MAPKAP1: variants seen among roughly 807,000 people sequenced by gnomAD.
MAPKAP1 encodes the protein MAPK associated protein 1, also known as target of rapamycin complex 2 subunit MAPKAP1.
MAPKAP1 carries 20 observed loss-of-function variants against 65.7 expected under a neutral mutation model. The ratio of observed to expected loss-of-function variants is 0.30; its 90% CI spans 0.21 to 0.44. The LOEUF (loss-of-function observed/expected upper bound fraction) is 0.44. Ranked by LOEUF, MAPKAP1 falls within the 20% of genes least tolerant of loss-of-function variation. MAPKAP1 has a pLI of 1.00. For synonymous variants in MAPKAP1, 222 were observed against 244.3 expected, an observed-to-expected ratio of 0.91 and a Z score of 0.85; for missense variants, 423 against 648.0, an observed-to-expected ratio of 0.65 and a Z score of 3.77.
rs540233366 is a variant in MAPKAP1 at position 125,613,780 on chromosome 9, C to T, written c.499-28053G>A. ...GCTAGAATTACCCATACTATTTAAC[C>T]TTACTGAAAAAGAGCAATTTCTTTT... On this transcript the variant is annotated intron_variant, in intron 4 of 11. Coordinates refer to ENST00000265960, the MANE Select transcript of MAPKAP1 (RefSeq NM_001006617.3). Among the ~76,000 whole-genome samples the T allele has an allele frequency of 6.3e-4, 95 of 151,996 alleles. 1 individual carries two copies. The highest frequency in any genetic ancestry group is 2.2e-3 in the African/African-American group (90 of 41,460).
intron 7 of MAPKAP1, among the ~76,000 whole-genome samples, chr9:125,530,405 A>C (rs1307950829): frequency 6.6e-5 from 10 of 152,188 alleles, no homozygotes; most frequent in Admixed American, 6.5e-4. Flanking sequence ...TCCTCTTTTA[A>C]ATGTTTTCTG....
chr9:125,483,257 C>T (rs1331159364), intron 9 of MAPKAP1, among the ~76,000 whole-genome samples: 1 of 152,180 alleles, frequency 6.6e-6, no homozygotes, highest in Non-Finnish European at 1.5e-5. Flanking sequence ...AAAACACTGG[C>T]TTAAGGTTAC....
intron 6 of MAPKAP1, among the ~76,000 whole-genome samples, chr9:125,543,978 G>T (rs1318244626): frequency 1.3e-5 from 2 of 152,088 alleles, no homozygotes; most frequent in African/African-American, 4.8e-5. Flanking sequence ...AGGAGGAAAA[G>T]AAAATGCTCT....
At chr9:125,693,552 T>TACACACACATATATACATAC (rs1564619905) in intron 1 of MAPKAP1, among the ~76,000 whole-genome samples, 1 of 148,908 alleles carries the variant, frequency 6.7e-6, no homozygotes, top group East Asian at 2.0e-4. Context: ...TATATACATA[T>TACACACACATATATACATAC]ACACACACAT....
At chr9:125,548,180 T>TA (rs1251370830) in intron 6 of MAPKAP1, among the ~76,000 whole-genome samples, 1 of 152,210 alleles carries the variant, frequency 6.6e-6, no homozygotes. Flanking sequence ...ACTCATCTAT[T>TA]AAAAATCCTG....
intron 9 of MAPKAP1, among the ~76,000 whole-genome samples, chr9:125,476,328 C>T (rs1854107738): frequency 6.6e-6 from 1 of 152,172 alleles, no homozygotes; most frequent in Admixed American, 6.5e-5. Context: ...ACTGAACAAT[C>T]ATTTAATATC....
At chr9:125,543,719 C>T (rs757386810) in intron 6 of MAPKAP1, among the ~76,000 whole-genome samples, 10 of 152,162 alleles carry the variant, frequency 6.6e-5, no homozygotes, top group Non-Finnish European at 1.5e-4. Flanking sequence ...AGAGAGGTCA[C>T]GCTTAGGGAA....
intron 7 of MAPKAP1, among the ~76,000 whole-genome samples, chr9:125,523,904 G>T (rs1288386296): frequency 6.6e-6 from 1 of 152,140 alleles, no homozygotes; most frequent in Non-Finnish European, 1.5e-5. Context: ...CCTGCTGTGG[G>T]GGCCAGATCC....
At chr9:125,464,389 T>C (rs1853607132) in intron 10 of MAPKAP1, among the ~76,000 whole-genome samples, 2 of 152,164 alleles carry the variant, frequency 1.3e-5, no homozygotes, top group Admixed American at 1.3e-4. Flanking sequence ...TTTAGGGGCT[T>C]ATGACGTCTT....
Position 125,614,580 on chromosome 9 carries a change from G to C in MAPKAP1, c.499-28853C>G, listed in dbSNP as rs569145422. On this transcript the variant is annotated intron_variant, in intron 4 of 11. Coordinates refer to ENST00000265960, the MANE Select transcript of MAPKAP1 (RefSeq NM_001006617.3). ...GTGGAGGTTGCAGTGAGCCAAGATC[G>C]CGCCATTGCACTCCAGCTTTGAGCA... 2.6e-5 allele frequency among the ~76,000 whole-genome samples: 4 copies of C among 152,220 alleles called. No individual in the cohort carries two copies. In the East Asian group the frequency reaches 5.8e-4, roughly 22 times the overall value.
chr9:125,640,254 C>T (rs992502404), intron 4 of MAPKAP1, among the ~76,000 whole-genome samples: 1 of 152,156 alleles, frequency 6.6e-6, no homozygotes, highest in Non-Finnish European at 1.5e-5. Flanking sequence ...CAGGTGCCCG[C>T]CACCACGCCC....
intron 7 of MAPKAP1, among the ~76,000 whole-genome samples, chr9:125,537,504 CAG>C (rs1830107477): frequency 1.3e-5 from 2 of 152,164 alleles, no homozygotes; most frequent in Admixed American, 1.3e-4. Flanking sequence ...CCTCCCAATA[CAG>C]AGTCTTGCTC....
intron 10 of MAPKAP1, among the ~76,000 whole-genome samples, chr9:125,448,896 T>G (rs1020604594): frequency 1.3e-5 from 2 of 151,528 alleles, no homozygotes; most frequent in Non-Finnish European, 2.9e-5. Flanking sequence ...TCCCAGCTAC[T>G]TGGGAGGCTG....
intron 4 of MAPKAP1, among the ~76,000 whole-genome samples, chr9:125,591,985 G>A (rs1410981981): frequency 6.6e-6 from 1 of 152,204 alleles, no homozygotes; most frequent in Non-Finnish European, 1.5e-5. Flanking sequence ...GGCATATTTA[G>A]AGCACAGGGA....
chr9:125,642,477 G>C (rs1340744889), intron 4 of MAPKAP1, among the ~76,000 whole-genome samples: 1 of 152,076 alleles, frequency 6.6e-6, no homozygotes, highest in African/African-American at 2.4e-5. Flanking sequence ...ATATGGAGCT[G>C]GATTTGACCT....
chr9:125,529,266 G>A (rs1007157186), intron 7 of MAPKAP1, among the ~76,000 whole-genome samples: 11 of 151,802 alleles, frequency 7.2e-5, no homozygotes, highest in African/African-American at 2.7e-4. Context: ...TATCAAATGT[G>A]TTTTATTGCT....
intron 1 of MAPKAP1, among the ~76,000 whole-genome samples, chr9:125,675,511 A>G (rs1369742227): frequency 6.6e-6 from 1 of 152,204 alleles, no homozygotes; most frequent in African/African-American, 2.4e-5. Context: ...TATCTTCTCT[A>G]TTAGGACACT....
At chr9:125,531,272 G>A (rs941200412) in intron 7 of MAPKAP1, among the ~76,000 whole-genome samples, 1 of 152,230 alleles carries the variant, frequency 6.6e-6, no homozygotes, top group African/African-American at 2.4e-5. Context: ...TTGGCTTTGA[G>A]TCCTTACTCC....
chr9:125,573,196 C>T (rs577744849), intron 5 of MAPKAP1, among the ~76,000 whole-genome samples: 13 of 151,988 alleles, frequency 8.6e-5, no homozygotes, highest in Non-Finnish European at 1.8e-4. Context: ...GGCTGCACTC[C>T]CAGACAGTTA....
Sources: gnomAD v4.1 joint callset for allele counts (sites outside exome capture counted in the v4.1 genomes callset) on GRCh38, gnomAD v4.1.1 for gene constraint, MANE v1.5 for transcripts, NCBI Gene and HGNC (gene_info 2026-07-23, HGNC 2026-07-21) for gene names.